The following CSMD2 variants were observed in gnomAD, a reference collection of about 807,000 sequenced individuals.
The protein encoded by CSMD2 is CUB and Sushi multiple domains 2, also known as CUB and sushi domain-containing protein 2.
In CSMD2, 130 loss-of-function variants were observed where a neutral mutation model predicts 398.5. The ratio of observed to expected loss-of-function variants is 0.33; its 90% CI spans 0.28 to 0.38. CSMD2 has a LOEUF of 0.38. Among genes scored for constraint, CSMD2 ranks in the 10% least tolerant of loss-of-function variants. The pLI is 1.00. For missense variants in CSMD2, 3,829 were observed against 4,764.9 expected (o/e 0.80, Z 5.78); for synonymous variants, 1,828 against 1,908.5 (o/e 0.96, Z 1.10).
intron 56 of CSMD2, 103 bp downstream of exon 56, chr1:33,550,074 A>T: frequency 8.4e-7 from 1 of 1,195,812 alleles, no homozygotes; most frequent in Non-Finnish European, 1.2e-6. Context: ...CTGAGGTCTG[A>T]TTCCCTCCCA....
chr1:34,105,473 G>T (rs1179696348), intron 1 of CSMD2, among the ~76,000 whole-genome samples: 8 of 152,164 alleles, frequency 5.3e-5, no homozygotes, highest in Non-Finnish European at 7.3e-5. Context: ...CACATACATA[G>T]GAAGCTAACC....
intron 1 of CSMD2, among the ~76,000 whole-genome samples, chr1:34,115,991 C>T (rs1661565455): frequency 6.6e-6 from 1 of 151,412 alleles, no homozygotes; most frequent in Admixed American, 6.6e-5. Flanking sequence ...AATGTCACTA[C>T]AAAAACAATC....
chr1:33,810,356 A>G (rs973548027), intron 10 of CSMD2, among the ~76,000 whole-genome samples: 1 of 152,222 alleles, frequency 6.6e-6, no homozygotes, highest in Non-Finnish European at 1.5e-5. Context: ...ATACTAAGCA[A>G]TGTATTTTTA....
At chr1:34,066,718 A>T (rs999104337) in intron 2 of CSMD2, among the ~76,000 whole-genome samples, 1 of 152,084 alleles carries the variant, frequency 6.6e-6, no homozygotes, top group Non-Finnish European at 1.5e-5. Flanking sequence ...TGGACCAGCC[A>T]GGGGGTTGGG....
chr1:33,846,424 G>A (rs901574641), intron 6 of CSMD2, among the ~76,000 whole-genome samples: 1 of 152,248 alleles, frequency 6.6e-6, no homozygotes, highest in African/African-American at 2.4e-5. Flanking sequence ...GCAAAGGCTG[G>A]TGGTTAAGAG....
At chr1:33,772,875 G>A in intron 12 of CSMD2, 124 bp from the exon 13 acceptor site, 1 of 763,218 alleles carries the variant, frequency 1.3e-6, no homozygotes, top group Non-Finnish European at 2.1e-6. Context: ...AGTGACACAG[G>A]TAGGATTCAA....
chr1:34,113,115 T>C (rs978484252), intron 1 of CSMD2: 3 of 152,230 alleles, frequency 2.0e-5, no homozygotes, highest in Non-Finnish European at 4.4e-5. Context: ...GCTCTACTCC[T>C]GGCTGAGTCA....
intron 21 of CSMD2, among the ~76,000 whole-genome samples, chr1:33,710,191 A>C (rs1056070951): frequency 4.6e-5 from 7 of 152,168 alleles, no homozygotes; most frequent in Non-Finnish European, 1.0e-4. Context: ...GGCTTAGGGC[A>C]TGCACAGAGG....
chr1:34,050,312 A>G (rs113930595), intron 2 of CSMD2, among the ~76,000 whole-genome samples: 2,261 of 152,320 alleles, frequency 0.015, 58 homozygotes, highest in African/African-American at 0.052. Context: ...TATTTTGGAT[A>G]TGGATTTGCT....
At chr1:33,777,800 C>T (rs1182326138) in intron 12 of CSMD2, among the ~76,000 whole-genome samples, 1 of 152,128 alleles carries the variant, frequency 6.6e-6, no homozygotes, top group Non-Finnish European at 1.5e-5. Context: ...CTGTTTTATC[C>T]CCATCATCTG....
intron 6 of CSMD2, among the ~76,000 whole-genome samples, chr1:33,831,224 T>C (rs1345079906): frequency 6.6e-6 from 1 of 151,548 alleles, no homozygotes; most frequent in African/African-American, 2.4e-5. Flanking sequence ...TTCACCAAAG[T>C]TGAAATGAAG....
chr1:33,952,700 A>G (rs74069871), intron 3 of CSMD2, among the ~76,000 whole-genome samples: 2,082 of 138,156 alleles, frequency 0.015, 48 homozygotes, highest in African/African-American at 0.07. Context: ...ACACACACAC[A>G]CATGCACACA....
At chr1:33,695,556 G>A (rs1035875244) in intron 24 of CSMD2, among the ~76,000 whole-genome samples, 1 of 152,148 alleles carries the variant, frequency 6.6e-6, no homozygotes, top group Non-Finnish European at 1.5e-5. Flanking sequence ...AGACCCAGTC[G>A]CTAAACCTGT....
At chr1:33,810,897 T>A (rs747278288) in intron 9 of CSMD2, 33 bp from the exon 10 acceptor site, 22 of 1,605,198 alleles carry the variant, frequency 1.4e-5, no homozygotes, top group Non-Finnish European at 1.9e-5. Flanking sequence ...GCCTTTGAAT[T>A]AAGACTAGGT....
intron 47 of CSMD2, among the ~76,000 whole-genome samples, chr1:33,583,087 A>G (rs1253623525): frequency 6.6e-6 from 1 of 152,246 alleles, no homozygotes; most frequent in Non-Finnish European, 1.5e-5. Flanking sequence ...TATTGAGGAC[A>G]TCATATTAAT....
intron 19 of CSMD2, among the ~76,000 whole-genome samples, chr1:33,721,658 C>T (rs16835754): frequency 0.28 from 43,133 of 152,038 alleles, 6,604 homozygotes; most frequent in South Asian, 0.4. Context: ...CAATCCTGGG[C>T]CTCACCCTGA....
At chr1:33,707,758 G>A (rs1645854809) in intron 22 of CSMD2, among the ~76,000 whole-genome samples, 1 of 149,882 alleles carries the variant, frequency 6.7e-6, no homozygotes. Context: ...ACACCCCAGA[G>A]GACATATGCC....
intron 44 of CSMD2, among the ~76,000 whole-genome samples, chr1:33,597,269 C>CT (rs984321019): frequency 3.2e-4 from 49 of 151,620 alleles, no homozygotes; most frequent in African/African-American, 9.4e-4. Flanking sequence ...AGTCTAGCTC[C>CT]TTTTTTTTTC....
At chr1:33,748,193 A>T (rs1647651177) in intron 13 of CSMD2, among the ~76,000 whole-genome samples, 1 of 152,208 alleles carries the variant, frequency 6.6e-6, no homozygotes, top group Non-Finnish European at 1.5e-5. Flanking sequence ...TCTTACAAAG[A>T]TCTAATCTTT....
Sources: gnomAD v4.1 joint callset for allele counts (sites outside exome capture counted in the v4.1 genomes callset) on GRCh38, gnomAD v4.1.1 for gene constraint, MANE v1.5 for transcripts, NCBI Gene and HGNC (gene_info 2026-07-23, HGNC 2026-07-21) for gene names.